Variants in MKLN1 observed in about 807,000 individuals in gnomAD.
MKLN1 encodes muskelin.
Under a neutral mutation model 99.0 loss-of-function variants are expected in MKLN1, and 18 were observed. The ratio of observed to expected loss-of-function variants is 0.18; its 90% CI spans 0.13 to 0.27. The LOEUF (loss-of-function observed/expected upper bound fraction) is 0.27. Ranked by LOEUF, MKLN1 falls within the 10% of genes least tolerant of loss-of-function variation. The pLI, the probability that MKLN1 is intolerant of heterozygous loss-of-function variation, is 1.00. For synonymous variants in MKLN1, 288 were observed against 293.2 expected, an observed-to-expected ratio of 0.98 and a Z score of 0.18; for missense variants, 621 against 875.9, an observed-to-expected ratio of 0.71 and a Z score of 3.67.
chr7:131,411,183 C>CT, intron 6 of MKLN1, 123 bp from the exon 7 acceptor site: 1 of 551,518 alleles, frequency 1.8e-6, no homozygotes. Flanking sequence ...TGAAAATGTG[C>CT]TTTTGTATTA....
rs1390848887 is a variant in MKLN1 at position 131,446,548 on chromosome 7, GAAATT to G, written c.1525+650_1525+654del. ...AATGCTAATTTGAACAATAGAGTGA[GAAATT>G]AAATCAGCTGCTTTTCTTTTTAGCT... On this transcript the variant is annotated intron_variant, in intron 12 of 17. Coordinates refer to ENST00000352689, the MANE Select transcript of MKLN1 (RefSeq NM_013255.5). Among the ~76,000 whole-genome samples the G allele has an allele frequency of 4.6e-5, 7 of 152,316 alleles. No individual in the cohort carries two copies. The South Asian group carries it at 8.3e-4, about 18-fold the overall frequency.
At chr7:131,468,839 T>C (rs1796731474) in intron 15 of MKLN1, among the ~76,000 whole-genome samples, 2 of 152,158 alleles carry the variant, frequency 1.3e-5, no homozygotes, top group African/African-American at 4.8e-5. Context: ...CTTTACTGGA[T>C]ATAGGACTGT....
chr7:131,169,353 A>G (rs891674886), intron 2 of MKLN1, among the ~76,000 whole-genome samples: 5 of 152,164 alleles, frequency 3.3e-5, no homozygotes, highest in African/African-American at 1.2e-4. Context: ...TGCCCCAAAT[A>G]TCGTTGTATC....
In MKLN1 at chr7:131,268,807, GCTGTTCTT is replaced by G. The variant is rs1409324335; in HGVS notation, c.-179+65834_-179+65841del. 2.0e-5 allele frequency among the ~76,000 whole-genome samples: 3 copies of G among 152,294 alleles called. No homozygotes were observed. The East Asian group carries it at 5.8e-4, about 29-fold the overall frequency. The stretch of plus-strand genomic sequence containing the variant: ...GAGCTCCTTAGAGCAGGCAGACAGT[GCTGTTCTT>G]GTATGTCGTCAAAGATGTGGAAAAT... On this transcript the variant is annotated intron_variant, in intron 3 of 7. Coordinates refer to the MKLN1 transcript ENST00000416992.
chr7:131,435,916 C>G (rs923803914), intron 9 of MKLN1, among the ~76,000 whole-genome samples: 1 of 151,420 alleles, frequency 6.6e-6, no homozygotes, highest in Non-Finnish European at 1.5e-5. Context: ...TGGCATATAA[C>G]TTGGTCATCA....
rs879896584 is a variant in MKLN1, at chr7:131,487,177, C to CT, written c.2087-424dup. 3.2e-4 allele frequency among the ~76,000 whole-genome samples: 49 copies of CT among 152,122 alleles called. No homozygotes were observed. Among genetic ancestry groups the CT allele is most frequent in the Admixed American group, 1.7e-3 (26 of 15,258 alleles). On this transcript the variant is annotated intron_variant, in intron 17 of 17. Coordinates refer to ENST00000352689, the MANE Select transcript of MKLN1 (RefSeq NM_013255.5). The surrounding 1 kb of genome is among the most constrained non-coding windows in gnomAD (Gnocchi z 4.7). ...TTATTATATTTTTGTTACTAAAAAA[C>CT]TTTTTTAGTGGTTCAGAAGCATTAA...
intron 3 of MKLN1, among the ~76,000 whole-genome samples, chr7:131,319,883 G>A (rs923139319): frequency 3.3e-5 from 5 of 152,120 alleles, no homozygotes; most frequent in Admixed American, 3.3e-4. Flanking sequence ...GGGACGTGAA[G>A]GATCTTTTCA....
At chr7:131,368,471 T>C (rs575572548) in intron 1 of MKLN1, among the ~76,000 whole-genome samples, 1 of 152,232 alleles carries the variant, frequency 6.6e-6, no homozygotes, top group Admixed American at 6.5e-5. Flanking sequence ...ATAGGAAGCA[T>C]GACTGGGAGG....
At chr7:131,462,409 C>T (rs17743748) in intron 12 of MKLN1, among the ~76,000 whole-genome samples, 10,520 of 152,250 alleles carry the variant, frequency 0.069, 478 homozygotes, top group Middle Eastern at 0.14. Context: ...TATTAAGCAA[C>T]GCTGCGTTTT....
At chr7:131,125,291 C>A (rs529717708) in intron 1 of MKLN1, among the ~76,000 whole-genome samples, 3 of 152,314 alleles carry the variant, frequency 2.0e-5, no homozygotes, top group Non-Finnish European at 4.4e-5. Context: ...TGAAGAAGTA[C>A]TATTCTGTGC....
chr7:131,326,976 T>C (rs1798904336), upstream of MKLN1: 1 of 152,214 alleles, frequency 6.6e-6, no homozygotes, highest in South Asian at 2.1e-4. Flanking sequence ...AACAAACAGG[T>C]ACTTGATGAG....
intron 3 of MKLN1, among the ~76,000 whole-genome samples, chr7:131,309,520 A>G (rs1584905173): frequency 6.6e-6 from 1 of 151,646 alleles, no homozygotes; most frequent in African/African-American, 2.4e-5. Context: ...TGAAGTCTTG[A>G]GTCTGCCTCA....
At chr7:131,123,099 TTGACTC>T (rs1406573117) in intron 1 of MKLN1, among the ~76,000 whole-genome samples, 1 of 150,952 alleles carries the variant, frequency 6.6e-6, no homozygotes, top group Non-Finnish European at 1.5e-5. Flanking sequence ...AAGGACATGT[TTGACTC>T]TGTTCTAAGA....
intron 3 of MKLN1, among the ~76,000 whole-genome samples, chr7:131,297,683 C>G (rs952378987): frequency 6.6e-6 from 1 of 152,128 alleles, no homozygotes; most frequent in Admixed American, 6.5e-5. Flanking sequence ...TTCAAAATGT[C>G]AATCAGTGCT....
chr7:131,379,340 C>G (rs1584673940), intron 2 of MKLN1, among the ~76,000 whole-genome samples: 2 of 151,872 alleles, frequency 1.3e-5, no homozygotes, highest in African/African-American at 4.8e-5. Context: ...TGGCAGAACC[C>G]CTTCCAGAAT....
intron 1 of MKLN1, among the ~76,000 whole-genome samples, chr7:131,373,925 T>A (rs2116842551): frequency 6.6e-6 from 1 of 152,010 alleles, no homozygotes; most frequent in East Asian, 1.9e-4. Flanking sequence ...CAGTCTTTCC[T>A]TGTTTTTTAT....
At chr7:131,256,805 G>A (rs1292762404) in intron 3 of MKLN1, among the ~76,000 whole-genome samples, 1 of 152,154 alleles carries the variant, frequency 6.6e-6, no homozygotes, top group African/African-American at 2.4e-5. Context: ...CAAAAGGGTG[G>A]AGGGAGGGAG....
intron 2 of MKLN1, among the ~76,000 whole-genome samples, chr7:131,180,575 T>G (rs566195322): frequency 4.6e-5 from 7 of 152,058 alleles, no homozygotes; most frequent in African/African-American, 1.7e-4. Flanking sequence ...GGCAGGTGCC[T>G]GTAATCCCAG....
intron 1 of MKLN1, among the ~76,000 whole-genome samples, chr7:131,130,757 A>C (rs1795537415): frequency 6.6e-6 from 1 of 152,190 alleles, no homozygotes. Context: ...ATGATTACAC[A>C]CACAAATGTG....
Sources: allele counts gnomAD v4.1 joint callset (sites outside exome capture counted in the v4.1 genomes callset), GRCh38; gene constraint gnomAD v4.1.1; non-coding constraint Gnocchi (gnomAD v3.1); transcripts MANE v1.5; gene names NCBI Gene and HGNC (gene_info 2026-07-23, HGNC 2026-07-21).